MYO1B: variants seen among roughly 807,000 people sequenced by gnomAD.
MYO1B encodes the protein myosin IB.
A neutral mutation model predicts 159.7 loss-of-function variants in MYO1B; 72 were observed. The ratio of observed to expected loss-of-function variants is 0.45; its 90% CI spans 0.37 to 0.55. The LOEUF is 0.55. Among genes scored for constraint, MYO1B ranks in the 20% least tolerant of loss-of-function variants. The pLI is 0.00. For missense variants in MYO1B, 1,062 were observed against 1,364.8 expected (o/e 0.78, Z 3.50); for synonymous variants, 468 against 473.8 (o/e 0.99, Z 0.16).
intron 4 of MYO1B, among the ~76,000 whole-genome samples, chr2:191,331,313 G>A (rs55768298): frequency 0.095 from 14,492 of 152,092 alleles, 2,238 homozygotes; most frequent in African/African-American, 0.33. Context: ...ACCACCTGGT[G>A]TAGGCTCCTC....
intron 1 of MYO1B, among the ~76,000 whole-genome samples, chr2:191,253,258 G>A (rs1302265841): frequency 1.3e-5 from 2 of 152,136 alleles, no homozygotes; most frequent in African/African-American, 4.8e-5. Flanking sequence ...CCCAACTTAT[G>A]TCACCATTGT....
At position 191,414,634 on chromosome 2, in the gene MYO1B, C is replaced by CA. The variant is rs1697450721; in HGVS notation, c.3128dup (p.Asn1043LysfsTer2). ...TGTGACCAAGGTATCAATGAGCTCA[C>CA]AAAATGATGGCTTCTTCGCCGTCCA... On this transcript the variant is annotated frameshift_variant, in exon 29 of 31. Transcript: ENST00000392318. LOFTEE classifies it high-confidence loss of function. 1.2e-6 allele frequency: 2 copies of CA among 1,612,740 alleles called. No individual in the cohort carries two copies. The highest frequency in any genetic ancestry group is 2.7e-5 in the African/African-American group (2 of 74,896).
At chr2:191,267,906 T>G (rs1347852604) in intron 1 of MYO1B, among the ~76,000 whole-genome samples, 1 of 152,080 alleles carries the variant, frequency 6.6e-6, no homozygotes, top group Non-Finnish European at 1.5e-5. Context: ...AGTGGAAGGG[T>G]AGCGATGATG....
chr2:191,412,642 C>G (rs149145669), intron 27 of MYO1B, among the ~76,000 whole-genome samples: 1 of 152,336 alleles, frequency 6.6e-6, no homozygotes, highest in East Asian at 1.9e-4. Context: ...CCTCCACCCA[C>G]AACATAAGCA....
intron 1 of MYO1B, among the ~76,000 whole-genome samples, chr2:191,256,386 C>T (rs1263328239): frequency 6.6e-6 from 1 of 152,148 alleles, no homozygotes; most frequent in East Asian, 1.9e-4. Flanking sequence ...ATGTGCAGCT[C>T]CTAGAACAGT....
intron 1 of MYO1B, among the ~76,000 whole-genome samples, chr2:191,276,116 T>C (rs981924310): frequency 1.3e-5 from 2 of 152,230 alleles, no homozygotes; most frequent in Non-Finnish European, 2.9e-5. Flanking sequence ...GCTGTTATAG[T>C]GGCATGTCTG....
intron 3 of MYO1B, among the ~76,000 whole-genome samples, chr2:191,306,890 C>T (rs1227390086): frequency 6.6e-6 from 1 of 152,104 alleles, no homozygotes; most frequent in African/African-American, 2.4e-5. Flanking sequence ...TTTCTGATAC[C>T]AGGTGTGTGA....
chr2:191,347,974 G>A (rs6739685), intron 6 of MYO1B, among the ~76,000 whole-genome samples: 3,992 of 152,256 alleles, frequency 0.026, 167 homozygotes, highest in African/African-American at 0.089. Flanking sequence ...CTTGCTCATC[G>A]TAGCTCACAT....
chr2:191,363,056 A>G (rs956713110), intron 9 of MYO1B, among the ~76,000 whole-genome samples: 4 of 152,210 alleles, frequency 2.6e-5, no homozygotes, highest in African/African-American at 9.7e-5. Flanking sequence ...AAAAACTTAC[A>G]TTACTCCCAT....
intron 4 of MYO1B, among the ~76,000 whole-genome samples, chr2:191,340,587 G>C (rs532850855): frequency 6.6e-6 from 1 of 152,330 alleles, no homozygotes; most frequent in Non-Finnish European, 1.5e-5. Context: ...GGGGTTACTA[G>C]TGAAGCCTAT....
Position 191,341,517 on chromosome 2 carries a change from G to A in MYO1B, c.403G>A (p.Val135Ile), listed in dbSNP as rs202103405. The A allele has an allele frequency of 1.2e-6, 2 of 1,614,056 alleles. No individual in the cohort carries two copies. Among genetic ancestry groups the A allele is most frequent in the African/African-American group, 2.7e-5 (2 of 75,038 alleles). Residue 135 changes from valine (V) to isoleucine (I), a missense_variant, in exon 5 of 31, where the codon GTT becomes ATT. This residue lies in a region of MYO1B where 415 missense variants were observed against 544.0 expected (regional missense o/e 0.76). Coordinates refer to ENST00000392318, the MANE Select transcript of MYO1B (RefSeq NM_001130158.3). Reference sequence around the variant, plus strand: ...AGCTGTTTGTGGAAAAGGAGCAGAAGTTAATCAAGTTAAAGAACAGCTTTT... The same window carrying A: ...AGCTGTTTGTGGAAAAGGAGCAGAAATTAATCAAGTTAAAGAACAGCTTTT... ...VAAVCGKGAE[V>I]NQVKEQLLQS...
At chr2:191,368,504 C>G (rs907446495) in intron 11 of MYO1B, among the ~76,000 whole-genome samples, 1 of 152,174 alleles carries the variant, frequency 6.6e-6, no homozygotes, top group Non-Finnish European at 1.5e-5. Flanking sequence ...TTCTTCTGTC[C>G]AAACCTGACT....
intron 20 of MYO1B, among the ~76,000 whole-genome samples, chr2:191,396,173 T>C (rs763966473): frequency 6.6e-6 from 1 of 152,176 alleles, no homozygotes; most frequent in Non-Finnish European, 1.5e-5. Context: ...CAGCATGAGA[T>C]GAAGAAAATA....
At chr2:191,274,977 G>A (rs577658014) in intron 1 of MYO1B, among the ~76,000 whole-genome samples, 1 of 151,994 alleles carries the variant, frequency 6.6e-6, no homozygotes, top group South Asian at 2.1e-4. Flanking sequence ...GCGCAATCTC[G>A]GCTCACTGCA....
At chr2:191,391,805 G>T (rs73984122) in intron 18 of MYO1B, among the ~76,000 whole-genome samples, 2,397 of 152,316 alleles carry the variant, frequency 0.016, 62 homozygotes, top group African/African-American at 0.054. Flanking sequence ...CCTGGCCCAG[G>T]TTGGTACATC....
chr2:191,391,615 G>A (rs1695755816), intron 18 of MYO1B, among the ~76,000 whole-genome samples: 1 of 152,186 alleles, frequency 6.6e-6, no homozygotes, highest in Non-Finnish European at 1.5e-5. Flanking sequence ...AGGATGGAGA[G>A]GTCAGGGCCA....
intron 3 of MYO1B, among the ~76,000 whole-genome samples, chr2:191,319,567 C>A (rs1325730282): frequency 6.6e-6 from 1 of 152,122 alleles, no homozygotes; most frequent in African/African-American, 2.4e-5. Context: ...ATCTCTGTTA[C>A]AAATTTGCAA....
At chr2:191,408,370 G>A (rs1439075028) in intron 25 of MYO1B, among the ~76,000 whole-genome samples, 181 bp downstream of exon 25, 1 of 152,164 alleles carries the variant, frequency 6.6e-6, no homozygotes, top group Middle Eastern at 3.2e-3. Flanking sequence ...CCAAATTCTG[G>A]TAGAATTGTG....
At chr2:191,381,915 CTT>C (rs1198249136) in intron 14 of MYO1B, among the ~76,000 whole-genome samples, 2 of 152,220 alleles carry the variant, frequency 1.3e-5, no homozygotes, top group Middle Eastern at 6.8e-3. Flanking sequence ...TATTTTGAGA[CTT>C]TGTTCAATAT....
Sources: gnomAD v4.1 joint callset for allele counts (sites outside exome capture counted in the v4.1 genomes callset) on GRCh38, gnomAD v4.1.1 for gene constraint, gnomAD v4.1.1 regional missense constraint, MANE v1.5 for transcripts, NCBI Gene and HGNC (gene_info 2026-07-23, HGNC 2026-07-21) for gene names.